KARS1: variants seen among roughly 807,000 people sequenced by gnomAD.
KARS1 encodes the protein lysyl-tRNA synthetase 1.
Under a neutral mutation model 63.9 loss-of-function variants are expected in KARS1, and 50 were observed. That is an observed-to-expected ratio of 0.78 (90% CI 0.62 to 0.99). The LOEUF is 0.99. Ranked by LOEUF, KARS1 falls within the 50% of genes least tolerant of loss-of-function variation. The probability of loss-of-function intolerance (pLI) is 0.00; values close to 1 mark genes in which losing one functional copy is unlikely to be tolerated. For missense variants in KARS1, 816 were observed against 754.5 expected (o/e 1.08, Z -0.95); for synonymous variants, 320 against 264.6 (o/e 1.21, Z -2.03).
intron 1 of KARS1, among the ~76,000 whole-genome samples, chr16:75,645,108 T>C (rs1000705824): frequency 3.9e-5 from 6 of 152,236 alleles, no homozygotes; most frequent in Non-Finnish European, 5.9e-5. Context: ...ACATCTGCTT[T>C]TAAACTTGGA....
At chr16:75,642,847 AAAT>A (rs1348796932) in intron 1 of KARS1, 2 of 152,242 alleles carry the variant, frequency 1.3e-5, no homozygotes, top group African/African-American at 2.4e-5. Flanking sequence ...TGTGAAACGA[AAAT>A]AATAATAGAC....
At position 75,636,127 on chromosome 16, in the gene KARS1, A is replaced by G. The variant is rs112121151; in HGVS notation, c.483-29T>C. 1,543 of 1,367,816 alleles carry G rather than the reference A, an allele frequency of 1.1e-3. 13 individuals are homozygous for G. In the African/African-American group the frequency reaches 0.018, roughly 16 times the overall value. 84.7% of individuals were successfully genotyped at this position (1,367,816 alleles called of 1,614,324 possible). A position where few individuals can be genotyped will look rare whatever the true frequency, so the allele number is the denominator to read the frequency against. ...AGTGAAAAAGAAATGTAATTCAGTAACAACAATTCAAATGAACACTGACCA... is the reference window on the plus strand; with the variant it reads ...AGTGAAAAAGAAATGTAATTCAGTAGCAACAATTCAAATGAACACTGACCA... On this transcript the variant is annotated intron_variant, in intron 4 of 13. Transcript: ENST00000302445.
intron 6 of KARS1, 57 bp downstream of exon 6, chr16:75,635,623 A>T: frequency 6.3e-7 from 1 of 1,596,890 alleles, no homozygotes; most frequent in Non-Finnish European, 8.6e-7. Flanking sequence ...GGCAAGGGAG[A>T]GGAGGAGGCA....
intron 3 of KARS1, among the ~76,000 whole-genome samples, chr16:75,637,673 G>A (rs1306152210): frequency 6.6e-6 from 1 of 151,878 alleles, no homozygotes; most frequent in Admixed American, 6.6e-5. Context: ...CAGCTACTTG[G>A]GAGGCTGAGG....
intron 1 of KARS1, among the ~76,000 whole-genome samples, chr16:75,645,689 C>T (rs1366244780): frequency 6.6e-6 from 1 of 151,932 alleles, no homozygotes; most frequent in Non-Finnish European, 1.5e-5. Flanking sequence ...TCTACTAAAA[C>T]ACAAAAATTT....
rs1299184638 is a variant in KARS1, at chr16:75,629,452, G to C, written c.1514C>G (p.Pro505Arg). 6.2e-7 allele frequency: 1 copy of C among 1,614,040 alleles called. No individual in the cohort carries two copies. Among genetic ancestry groups the C allele is most frequent in the Non-Finnish European group, 8.5e-7 (1 of 1,180,010 alleles). ...TTCAAAAAGCTGCCGCTGCCGCATGGGATCATTCAGCTCAGTATACGCATT... is the reference window on the plus strand; with the variant it reads ...TTCAAAAAGCTGCCGCTGCCGCATGCGATCATTCAGCTCAGTATACGCATT... The part of the protein sequence containing the change: ...ICNAYTELND[P>R]MRQRQLFEEQ... The change falls in exon 12 of 14, where the codon CCC becomes CGC. Residue 505 changes from proline to arginine, a missense_variant. Pro to Arg is a moderately radical substitution (Grantham distance 103, BLOSUM62 -2). Transcript: ENST00000302445.
intron 3 of KARS1, among the ~76,000 whole-genome samples, chr16:75,637,900 CAAAA>C (rs11386229): frequency 1.1e-5 from 1 of 93,780 alleles, no homozygotes; most frequent in African/African-American, 4.1e-5. Flanking sequence ...AAAAAGAGAC[CAAAA>C]AAAAAAAAAA....
chr16:75,640,301 C>A lies in KARS1; in HGVS notation c.271G>T (p.Gly91Trp). Residue 91 changes from glycine to tryptophan, a missense_variant, in exon 3 of 14, where the codon GGG (glycine) becomes TGG (tryptophan). Gly to Trp is a radical substitution (Grantham distance 184). Coordinates refer to ENST00000302445, the MANE Select transcript of KARS1 (RefSeq NM_005548.3). ...SQAIHQLKVNGEDPYPHKFHV... is the reference protein window; with the variant it reads ...SQAIHQLKVNWEDPYPHKFHV... ...AACTTGTGTGGGTATGGGTCTTCCC[C>A]ATTGACCTTCAGCTGATGAATTGCT... 1.2e-6 allele frequency: 2 copies of A among 1,613,172 alleles called. No homozygotes were observed. The highest frequency in any genetic ancestry group is 1.7e-6 in the Non-Finnish European group (2 of 1,179,918).
chr16:75,628,595 A>G lies in KARS1; in HGVS notation c.1669T>C (p.Phe557Leu). Residue 557 changes from phenylalanine to leucine, a missense_variant, in exon 13 of 14, where the codon TTT (phenylalanine) becomes CTT (leucine). Transcript: ENST00000302445. ...TTGATGTTGTTGGAGTCCGTGAGAA[A>G]CATGGCGACTCGATCAATGCCCATG... is the stretch of plus-strand genomic sequence containing the variant. ...WGMGIDRVAMFLTDSNNIKEV... is the reference protein window; with the variant it reads ...WGMGIDRVAMLLTDSNNIKEV... The G allele has an allele frequency of 6.2e-7, 1 of 1,614,036 alleles. No individual in the cohort carries two copies. Among genetic ancestry groups the G allele is most frequent in the South Asian group, 1.1e-5 (1 of 91,080 alleles).
At chr16:75,640,418 C>G in intron 2 of KARS1, 69 bp from the exon 3 acceptor site, 2 of 1,471,950 alleles carry the variant, frequency 1.4e-6, no homozygotes, top group Middle Eastern at 2.3e-4. Context: ...GCCCACCTAG[C>G]AGAGGGCAGT....
chr16:75,628,147 T>A (rs1026989894), intron 13 of KARS1, among the ~76,000 whole-genome samples, 154 bp from the exon 14 acceptor site: 1 of 152,224 alleles, frequency 6.6e-6, no homozygotes, highest in African/African-American at 2.4e-5. Flanking sequence ...TTATTTCAAC[T>A]CAGACCCTCT....
intron 1 of KARS1, among the ~76,000 whole-genome samples, chr16:75,646,989 GT>G (rs1291598148): frequency 1.3e-5 from 2 of 152,192 alleles, no homozygotes; most frequent in Non-Finnish European, 2.9e-5. Flanking sequence ...GGATTTGGGA[GT>G]GGTTAACAAA....
rs764539631 is a variant in KARS1 at position 75,641,661 on chromosome 16, T to G, written c.125A>C (p.Glu42Ala). 1.2e-6 allele frequency: 2 copies of G among 1,613,864 alleles called. No homozygotes were observed. Among genetic ancestry groups the G allele is most frequent in the East Asian group, 2.2e-5 (1 of 44,902 alleles). ...KVAEKEAKQK[E>A]LSEKQLSQAT... ...TTGGCTTAGCTGTTTCTCACTGAGC[T>G]CTTTCTGTTTGGCCTCCTTCTCTGC... The change falls in exon 2 of 14, where the codon GAG becomes GCG. Residue 42 changes from glutamate to alanine, a missense_variant. Transcript: ENST00000302445.
intron 1 of KARS1, 23 bp downstream of exon 1, chr16:75,647,555 T>C (rs775714047): frequency 9.9e-6 from 16 of 1,610,342 alleles, no homozygotes; most frequent in Admixed American, 6.7e-5. Flanking sequence ...GCAAAGGCTT[T>C]AAAGACTCGC....
intron 7 of KARS1, 139 bp downstream of exon 7, chr16:75,634,034 C>T: frequency 1.1e-6 from 1 of 888,660 alleles, no homozygotes; most frequent in Non-Finnish European, 1.9e-6. Flanking sequence ...TTACTCACAT[C>T]CACACACCTG....
Position 75,646,073 on chromosome 16 carries a change from G to A in KARS1, c.62+1505C>T, listed in dbSNP as rs1032499901. ...ATTAAATTTGACTTAATAAAGTCAAGTCAATTTTCTCTAAGGTAGCAGTCC... is the reference window on the plus strand; with the variant it reads ...ATTAAATTTGACTTAATAAAGTCAAATCAATTTTCTCTAAGGTAGCAGTCC... On this transcript the variant is annotated intron_variant, in intron 1 of 13. Coordinates refer to ENST00000302445, the MANE Select transcript of KARS1 (RefSeq NM_005548.3). 6.6e-5 allele frequency among the ~76,000 whole-genome samples: 10 copies of A among 152,152 alleles called. No homozygotes were observed. The South Asian group carries it at 1.0e-3, about 16-fold the overall frequency.
intron 1 of KARS1, chr16:75,644,404 G>A: frequency 6.2e-7 from 1 of 1,612,214 alleles, no homozygotes; most frequent in Non-Finnish European, 8.5e-7. Context: ...CCCCTAACAA[G>A]CCTTACAGCA....
In KARS1 at chr16:75,640,164, T is replaced by C. The variant is rs749901950; in HGVS notation, c.388+20A>G. ...CTACCTGCTGTGGGAGTTCAGTGAT[T>C]TGCCAGGGAGAGTTCCTACCTGCCA... On this transcript the variant is annotated intron_variant, in intron 3 of 13. Transcript: ENST00000302445. The C allele has an allele frequency of 3.7e-6, 6 of 1,610,992 alleles. No individual in the cohort carries two copies. The Admixed American group carries it at 1.0e-4, about 27-fold the overall frequency.
rs1168303547 is a variant in KARS1 at position 75,641,625 on chromosome 16, G to A, written c.161C>T (p.Ala54Val). Reference sequence around the variant, plus strand: ...ATTATCAGTGGTGTGGTTGGTGGCAGCAGCAGTGGCTTGGCTTAGCTGTTT... The same window carrying A: ...ATTATCAGTGGTGTGGTTGGTGGCAACAGCAGTGGCTTGGCTTAGCTGTTT... ...SEKQLSQATA[A>V]ATNHTTDNGV... Residue 54 changes from alanine to valine, a missense_variant, in exon 2 of 14, where the codon GCT (alanine) becomes GTT (valine). Transcript: ENST00000302445. 1.2e-6 allele frequency: 2 copies of A among 1,613,866 alleles called. No homozygotes were observed. The highest frequency in any genetic ancestry group is 4.5e-5 in the East Asian group (2 of 44,900).
Sources: allele counts gnomAD v4.1 joint callset (sites outside exome capture counted in the v4.1 genomes callset), GRCh38; gene constraint gnomAD v4.1.1; transcripts MANE v1.5; gene names NCBI Gene and HGNC (gene_info 2026-07-23, HGNC 2026-07-21).